Variants in RBFOX1 observed in about 807,000 individuals in gnomAD.
The protein encoded by RBFOX1 is RNA binding protein fox-1 homolog 1.
A neutral mutation model predicts 57.7 loss-of-function variants in RBFOX1; 8 were observed. The observed-to-expected ratio is 0.14, with a 90% confidence interval of 0.08 to 0.25. The LOEUF is 0.25. RBFOX1 is among the 10% of genes least tolerant of loss of function. The pLI, the probability that RBFOX1 is intolerant of heterozygous loss-of-function variation, is 1.00. For synonymous variants in RBFOX1, 326 were observed against 222.4 expected (o/e 1.47, Z -4.15); for missense variants, 611 against 548.5 (o/e 1.11, Z -1.14).
intron 5 of RBFOX1, among the ~76,000 whole-genome samples, chr16:7,550,303 A>G (rs941961472): frequency 2.6e-5 from 4 of 151,684 alleles, no homozygotes; most frequent in African/African-American, 7.3e-5. Flanking sequence ...GGAGAAGGGA[A>G]GTGGTTTCTG....
chr16:5,430,269 C>G (rs118054455), intron 1 of RBFOX1, among the ~76,000 whole-genome samples: 2,370 of 152,174 alleles, frequency 0.016, 30 homozygotes, highest in East Asian at 0.046. Context: ...GGGGCCTGAC[C>G]TGGGGGTCAG....
intron 4 of RBFOX1, among the ~76,000 whole-genome samples, chr16:7,088,881 C>T (rs1011022877): frequency 3.9e-5 from 6 of 152,148 alleles, no homozygotes; most frequent in African/African-American, 9.7e-5. Flanking sequence ...TGTTGTTTTT[C>T]GTTGCTCGGC....
chr16:5,731,440 C>G (rs2052370165), intron 3 of RBFOX1, among the ~76,000 whole-genome samples: 2 of 152,194 alleles, frequency 1.3e-5, no homozygotes, highest in South Asian at 4.1e-4. Flanking sequence ...CTTACACAAC[C>G]TTAGAAGGTG....
chr16:7,444,708 T>A (rs2098795153), intron 4 of RBFOX1, among the ~76,000 whole-genome samples: 2 of 152,080 alleles, frequency 1.3e-5, no homozygotes, highest in South Asian at 4.2e-4. Flanking sequence ...ATTTTTACAT[T>A]ATTTGTAGAG....
chr16:6,025,277 C>T (rs2095167776), intron 1 of RBFOX1, among the ~76,000 whole-genome samples: 2 of 152,154 alleles, frequency 1.3e-5, no homozygotes, highest in South Asian at 2.1e-4. Context: ...AGCCTTGCAA[C>T]GTCTGAGAAA....
chr16:6,113,543 A>G (rs1035003757), intron 1 of RBFOX1, among the ~76,000 whole-genome samples: 1 of 152,214 alleles, frequency 6.6e-6, no homozygotes, highest in African/African-American at 2.4e-5. Flanking sequence ...GGAGCATCAC[A>G]GAGACACAGC....
At chr16:7,222,365 A>G (rs1391491173) in intron 4 of RBFOX1, among the ~76,000 whole-genome samples, 4 of 152,236 alleles carry the variant, frequency 2.6e-5, no homozygotes, top group Admixed American at 1.3e-4. Flanking sequence ...GTCAGTTCCA[A>G]TTATGAATAC....
At chr16:6,304,958 G>T (rs903349274) in intron 1 of RBFOX1, among the ~76,000 whole-genome samples, 2 of 150,062 alleles carry the variant, frequency 1.3e-5, no homozygotes, top group African/African-American at 2.5e-5. Flanking sequence ...TCTCTCCAAT[G>T]ACAACAATCA....
At chr16:5,296,436 A>C (rs947254480) in intron 1 of RBFOX1, among the ~76,000 whole-genome samples, 3 of 152,204 alleles carry the variant, frequency 2.0e-5, no homozygotes, top group African/African-American at 7.2e-5. Context: ...CATTGAGTCT[A>C]TTTAATTGAA....
intron 1 of RBFOX1, among the ~76,000 whole-genome samples, chr16:5,411,131 G>A (rs1475618557): frequency 2.6e-5 from 4 of 152,198 alleles, no homozygotes; most frequent in Non-Finnish European, 5.9e-5. Flanking sequence ...CTTGGGCGGA[G>A]GCCAGAGGGC....
At chr16:5,397,994 A>G (rs1002223885) in intron 1 of RBFOX1, among the ~76,000 whole-genome samples, 1 of 152,204 alleles carries the variant, frequency 6.6e-6, no homozygotes, top group East Asian at 1.9e-4. Flanking sequence ...GAAGAGACAG[A>G]TGTTAAATAA....
At chr16:7,283,129 T>C (rs2095580468) in intron 4 of RBFOX1, among the ~76,000 whole-genome samples, 4 of 152,128 alleles carry the variant, frequency 2.6e-5, no homozygotes, top group Admixed American at 2.6e-4. Context: ...AGTGGGATTG[T>C]TGGATCAAAT....
rs572906033 is a variant in RBFOX1, at chr16:6,568,878, C to G, written c.-63-85725C>G. Among the ~76,000 whole-genome samples, 297 of 152,234 alleles carry G rather than the reference C, an allele frequency of 2.0e-3. 1 individual carries two copies. Among genetic ancestry groups the G allele is most frequent in the South Asian group, 0.017 (80 of 4,822 alleles). On this transcript the variant is annotated intron_variant, in intron 2 of 15. Transcript: ENST00000550418. ...CCGCCTCCTGGGTTTAAGCGATTATCCTGCCTCAGCACTGCCCCCAAGTAG... is the reference window on the plus strand; with the variant it reads ...CCGCCTCCTGGGTTTAAGCGATTATGCTGCCTCAGCACTGCCCCCAAGTAG...
At chr16:6,656,346 A>G (rs1410236144) in intron 3 of RBFOX1, among the ~76,000 whole-genome samples, 5 of 152,152 alleles carry the variant, frequency 3.3e-5, no homozygotes, top group African/African-American at 9.7e-5. Context: ...GAAAGATAAC[A>G]TAGGAACTGA....
At chr16:7,535,543 G>T (rs1507020) in intron 5 of RBFOX1, among the ~76,000 whole-genome samples, 4 of 152,228 alleles carry the variant, frequency 2.6e-5, no homozygotes, top group African/African-American at 9.6e-5. Flanking sequence ...GAATTAAATT[G>T]TGAAGTCTTT....
chr16:6,569,772 G>C (rs568413643), intron 2 of RBFOX1, among the ~76,000 whole-genome samples: 1 of 152,094 alleles, frequency 6.6e-6, no homozygotes, highest in Non-Finnish European at 1.5e-5. Context: ...ATACCTTCCT[G>C]AGTGGTTGGC....
chr16:5,941,771 G>T (rs1171450001), intron 4 of RBFOX1, among the ~76,000 whole-genome samples: 1 of 151,772 alleles, frequency 6.6e-6, no homozygotes, highest in South Asian at 2.1e-4. Flanking sequence ...ACCTCTTCCC[G>T]TGAGCTCATA....
At chr16:6,934,888 C>G (rs866607174) in intron 3 of RBFOX1, among the ~76,000 whole-genome samples, 4 of 152,012 alleles carry the variant, frequency 2.6e-5, no homozygotes, top group African/African-American at 7.2e-5. Context: ...GAGTTTGAGA[C>G]TAGCCTAGGC....
chr16:6,819,729 AAAT>A lies in RBFOX1; in HGVS notation c.-16+165082_-16+165084del, dbSNP rs1207732538. Among the ~76,000 whole-genome samples, 7 of 98,374 alleles carry A rather than the reference AAAT, an allele frequency of 7.1e-5. 2 individuals are homozygous for A. In the East Asian group the frequency reaches 2.4e-3, roughly 34 times the overall value. 64.5% of individuals were successfully genotyped at this position (98,374 alleles called of 152,430 possible). A position where few individuals can be genotyped will look rare whatever the true frequency, so the allele number is the denominator to read the frequency against. On this transcript the variant is annotated intron_variant, in intron 3 of 15. Coordinates refer to ENST00000550418, the MANE Select transcript of RBFOX1 (RefSeq NM_018723.4). ...TCAAAAAAAAAAAAAAAAAAAAAAA[AAAT>A]AACAACACCAAAAGGTATATAGTAT...
Sources: allele counts gnomAD v4.1 joint callset (sites outside exome capture counted in the v4.1 genomes callset), GRCh38; gene constraint gnomAD v4.1.1; transcripts MANE v1.5; gene names NCBI Gene and HGNC (gene_info 2026-07-23, HGNC 2026-07-21).